Variants in APBB2 observed in about 807,000 individuals in gnomAD.
APBB2 encodes amyloid beta precursor protein binding family B member 2, also known as Fe65-like 1.
Under a neutral mutation model 82.5 loss-of-function variants are expected in APBB2, and 38 were observed. The ratio of observed to expected loss-of-function variants is 0.46; its 90% CI spans 0.36 to 0.60. The LOEUF (loss-of-function observed/expected upper bound fraction) is 0.60, where lower values mean the gene tolerates loss of function less well. Ranked by LOEUF, APBB2 falls within the 20% of genes least tolerant of loss-of-function variation. The pLI is 0.00. For missense variants in APBB2, 772 were observed against 972.3 expected, an observed-to-expected ratio of 0.79 and a Z score of 2.74; for synonymous variants, 341 against 368.2, an observed-to-expected ratio of 0.93 and a Z score of 0.85.
chr4:40,852,076 G>A (rs543255454), intron 12 of APBB2, among the ~76,000 whole-genome samples: 15 of 152,066 alleles, frequency 9.9e-5, no homozygotes, highest in African/African-American at 3.4e-4. Flanking sequence ...ATGTAATTAC[G>A]GGGCCGGGCG....
At chr4:41,075,991 T>C (rs1259755815) in intron 3 of APBB2, among the ~76,000 whole-genome samples, 1 of 152,160 alleles carries the variant, frequency 6.6e-6, no homozygotes, top group East Asian at 1.9e-4. Context: ...TGTGATAGAT[T>C]ACAACCCGGT....
chr4:40,978,958 CA>C (rs1797842968), intron 6 of APBB2, among the ~76,000 whole-genome samples: 1 of 151,614 alleles, frequency 6.6e-6, no homozygotes, highest in Non-Finnish European at 1.5e-5. Context: ...ATGAGATACA[CA>C]GGAAAAGTAA....
chr4:41,011,305 C>A (rs62412104), intron 6 of APBB2, among the ~76,000 whole-genome samples: 3 of 151,654 alleles, frequency 2.0e-5, no homozygotes, highest in Admixed American at 6.6e-5. Flanking sequence ...CTCAGCCTCC[C>A]GAGTAGCTGG....
chr4:41,022,322 T>C (rs1711945212), intron 5 of APBB2, among the ~76,000 whole-genome samples: 2 of 152,154 alleles, frequency 1.3e-5, no homozygotes, highest in African/African-American at 4.8e-5. Context: ...GTGATTCTAA[T>C]CTGTGGCCAA....
chr4:40,961,667 T>TAAAAAAAAAAAAAAAAAA (rs60942744), intron 6 of APBB2, among the ~76,000 whole-genome samples: 3 of 68,248 alleles, frequency 4.4e-5, no homozygotes, highest in Admixed American at 2.2e-4. Flanking sequence ...AAAAAAGATG[T>TAAAAAAAAAAAAAAAAAA]AAAAAAAAAA....
intron 12 of APBB2, among the ~76,000 whole-genome samples, chr4:40,838,236 C>G (rs940838953): frequency 2.1e-4 from 31 of 150,710 alleles, no homozygotes; most frequent in African/African-American, 5.8e-4. Context: ...GATCTCGGCT[C>G]ACTGCAACCT....
At chr4:40,926,084 TA>T (rs1315669917) in intron 10 of APBB2, among the ~76,000 whole-genome samples, 4 of 152,178 alleles carry the variant, frequency 2.6e-5, no homozygotes, top group African/African-American at 9.7e-5. Context: ...CAAATGGCCA[TA>T]AAAGAACTAG....
chr4:41,124,845 T>C (rs1400456953), intron 2 of APBB2, among the ~76,000 whole-genome samples: 2 of 152,202 alleles, frequency 1.3e-5, no homozygotes, highest in East Asian at 3.8e-4. Flanking sequence ...TAGCGTCTCT[T>C]TCCTCACCTA....
chr4:41,141,623 C>T (rs1759232608), intron 2 of APBB2, among the ~76,000 whole-genome samples: 1 of 152,164 alleles, frequency 6.6e-6, no homozygotes. Flanking sequence ...AGTCCATTTT[C>T]ATGCTGTACC....
intron 2 of APBB2, among the ~76,000 whole-genome samples, chr4:41,117,607 C>T (rs1751473953): frequency 6.6e-6 from 1 of 152,102 alleles, no homozygotes; most frequent in African/African-American, 2.4e-5. Flanking sequence ...TTATTATCAT[C>T]TTCTTTTCAC....
At chr4:41,108,667 G>C (rs1748101588) in intron 2 of APBB2, among the ~76,000 whole-genome samples, 1 of 152,104 alleles carries the variant, frequency 6.6e-6, no homozygotes, top group Non-Finnish European at 1.5e-5. Flanking sequence ...CCCTGCCCAG[G>C]GAGGGCCAAG....
Position 41,044,168 on chromosome 4 carries a change from G to T in APBB2, c.-50-10864C>A, listed in dbSNP as rs142226655. Among the ~76,000 whole-genome samples the T allele has an allele frequency of 5.7e-3, 872 of 152,248 alleles. 23 individuals carry two copies. Among genetic ancestry groups the T allele is most frequent in the Admixed American group, 0.026 (394 of 15,292 alleles). On this transcript the variant is annotated intron_variant, in intron 4 of 17. Coordinates refer to ENST00000508593, the MANE Select transcript of APBB2 (RefSeq NM_004307.2). ...ACTGGGTGGAAAAATTTTAGGAGATGCTTTCCTTCATCTACCACTTGGTTT... is the reference window on the plus strand; with the variant it reads ...ACTGGGTGGAAAAATTTTAGGAGATTCTTTCCTTCATCTACCACTTGGTTT...
At chr4:41,181,949 AAAAAAAAAAAAAG>A (rs1580680836) in intron 1 of APBB2, among the ~76,000 whole-genome samples, 1 of 151,538 alleles carries the variant, frequency 6.6e-6, no homozygotes, top group Admixed American at 6.6e-5. Flanking sequence ...TCTCAAAAAA[AAAAAAAAAAAAAG>A]AAAAAGAAAA....
chr4:41,009,326 A>C (rs1224078852), intron 6 of APBB2, among the ~76,000 whole-genome samples: 1 of 151,474 alleles, frequency 6.6e-6, no homozygotes, highest in Non-Finnish European at 1.5e-5. Flanking sequence ...AACTTTTCTA[A>C]ACTCCTATGA....
intron 1 of APBB2, among the ~76,000 whole-genome samples, chr4:41,146,902 G>A (rs905069486): frequency 2.0e-5 from 3 of 152,162 alleles, no homozygotes; most frequent in Admixed American, 6.5e-5. Context: ...CTGGCTTTGC[G>A]AGAGCCCGAA....
chr4:41,107,909 TC>T (rs1477581723), intron 2 of APBB2, among the ~76,000 whole-genome samples: 1 of 152,204 alleles, frequency 6.6e-6, no homozygotes, highest in Non-Finnish European at 1.5e-5. Flanking sequence ...GACTGTTGAC[TC>T]ATCCTGGATT....
rs1319862779 is a variant in APBB2, at chr4:41,137,710, A to T, written c.-261+5277T>A. ...GAGAGTACAGAAAGAAAGCCCTTACATTTGTGGTCAATTGATTTTCTACAA... is the reference window on the plus strand; with the variant it reads ...GAGAGTACAGAAAGAAAGCCCTTACTTTTGTGGTCAATTGATTTTCTACAA... On this transcript the variant is annotated intron_variant, in intron 2 of 17. Transcript: ENST00000508593. Among the ~76,000 whole-genome samples, 3 of 152,196 alleles carry T rather than the reference A, an allele frequency of 2.0e-5. No individual in the cohort carries two copies. In the East Asian group the frequency reaches 5.8e-4, roughly 29 times the overall value.
chr4:40,944,881 G>A lies in APBB2; in HGVS notation c.1028C>T (p.Pro343Leu). The change falls in exon 7 of 18, where the codon CCC becomes CTC. Residue 343 changes from proline (P) to leucine (L), a missense_variant. Physicochemically the swap from Pro to Leu is moderately conservative, Grantham distance 98 (BLOSUM62 -3). Transcript: ENST00000508593. Reference protein sequence around the residue: ...KGSLSSVTPSPTPENEKQPWS... With the variant: ...KGSLSSVTPSLTPENEKQPWS... The stretch of plus-strand genomic sequence containing the variant: ...CCGTTTTACCTCGTTCTCTGGGGTG[G>A]GAGATGGCGTTACAGAACTAAGTGA... 1 of 1,612,938 alleles carries A rather than the reference G, an allele frequency of 6.2e-7. No homozygotes were observed. The highest frequency in any genetic ancestry group is 8.5e-7 in the Non-Finnish European group (1 of 1,179,994).
rs148190885 is a variant in APBB2 at position 40,950,663 on chromosome 4, T to C, written c.836-5590A>G. On this transcript the variant is annotated intron_variant, in intron 6 of 17. Transcript: ENST00000508593. ...GGATTTGAGACCAGCCTGGCCAACA[T>C]GGTGAAACCCCGTCTCTATAAATAC... Among the ~76,000 whole-genome samples, 729 of 152,168 alleles carry C rather than the reference T, an allele frequency of 4.8e-3. 12 individuals carry two copies. Among genetic ancestry groups the C allele is most frequent in the African/African-American group, 0.016 (662 of 41,494 alleles).
Sources: gnomAD v4.1 joint callset for allele counts (sites outside exome capture counted in the v4.1 genomes callset) on GRCh38, gnomAD v4.1.1 for gene constraint, MANE v1.5 for transcripts, NCBI Gene and HGNC (gene_info 2026-07-23, HGNC 2026-07-21) for gene names.